The following TCF12 variants were observed in gnomAD, a reference collection of about 807,000 sequenced individuals.
TCF12 encodes DNA-binding protein HTF4.
In TCF12, 45 loss-of-function variants were observed where a neutral mutation model predicts 86.0. The ratio of observed to expected loss-of-function variants is 0.52; its 90% CI spans 0.41 to 0.67. The LOEUF (loss-of-function observed/expected upper bound fraction) is 0.67, where lower values mean the gene tolerates loss of function less well. Ranked by LOEUF, TCF12 falls within the 30% of genes least tolerant of loss-of-function variation. The pLI is 0.00. For synonymous variants in TCF12, 330 were observed against 299.6 expected, an observed-to-expected ratio of 1.10 and a Z score of -1.05; for missense variants, 881 against 859.9, an observed-to-expected ratio of 1.02 and a Z score of -0.31.
intron 2 of TCF12, among the ~76,000 whole-genome samples, 170 bp downstream of exon 2, chr15:56,920,158 C>G (rs1255555689): frequency 6.6e-6 from 1 of 152,072 alleles, no homozygotes; most frequent in Non-Finnish European, 1.5e-5. Flanking sequence ...CCAGCTCCCC[C>G]AAGTTGGACA....
chr15:57,054,543 A>G (rs573782754), intron 3 of TCF12, among the ~76,000 whole-genome samples: 24 of 152,190 alleles, frequency 1.6e-4, no homozygotes, highest in Non-Finnish European at 2.8e-4. Context: ...ATGAGCTCAC[A>G]GAGCAATGGG....
At chr15:57,000,869 G>C (rs556584873) in intron 3 of TCF12, among the ~76,000 whole-genome samples, 6 of 151,832 alleles carry the variant, frequency 4.0e-5, no homozygotes, top group African/African-American at 1.4e-4. Flanking sequence ...GTTTTTCACT[G>C]CTGAAATTCT....
rs1555404682 is a variant in TCF12 at position 57,237,148 on chromosome 15, A to AGAGTGTGT, written c.1035+3042_1035+3043insAGTGTGTG. On this transcript the variant is annotated intron_variant, in intron 12 of 20. Coordinates refer to ENST00000333725, the MANE Select transcript of TCF12 (RefSeq NM_207037.2). ...GAGCAAGGGAAAAAGAGAGAGAGAG[A>AGAGTGTGT]GTGTGTGTGTGTGTGTGTGTGTGTA... Among the ~76,000 whole-genome samples, 67 of 146,130 alleles carry AGAGTGTGT rather than the reference A, an allele frequency of 4.6e-4. No individual in the cohort carries two copies. The East Asian group carries it at 0.012, about 25-fold the overall frequency.
At chr15:57,039,578 TTAATTTTA>T (rs2066759025) in intron 3 of TCF12, among the ~76,000 whole-genome samples, 1 of 152,244 alleles carries the variant, frequency 6.6e-6, no homozygotes, top group South Asian at 2.1e-4. Context: ...AAAAAAATCC[TTAATTTTA>T]TCATAGCTTC....
chr15:57,129,460 A>G (rs548708842), intron 5 of TCF12, among the ~76,000 whole-genome samples: 9 of 152,110 alleles, frequency 5.9e-5, no homozygotes, highest in Non-Finnish European at 1.3e-4. Context: ...GCTGAGGTGG[A>G]AGGATCACCT....
intron 3 of TCF12, among the ~76,000 whole-genome samples, chr15:56,924,263 A>C: frequency 6.6e-6 from 1 of 152,204 alleles, no homozygotes; most frequent in East Asian, 1.9e-4. Flanking sequence ...ATAGTGATAC[A>C]GTCAAGATGC....
At chr15:56,987,954 C>G (rs1425523261) in intron 3 of TCF12, among the ~76,000 whole-genome samples, 1 of 152,098 alleles carries the variant, frequency 6.6e-6, no homozygotes, top group African/African-American at 2.4e-5. Context: ...CAGTGTAAAC[C>G]TATTTACCAA....
At chr15:56,968,464 T>C (rs973366432) in intron 3 of TCF12, among the ~76,000 whole-genome samples, 6 of 151,902 alleles carry the variant, frequency 3.9e-5, no homozygotes, top group Non-Finnish European at 8.8e-5. Flanking sequence ...CTTGAACTCC[T>C]GGACTCAAGC....
intron 19 of TCF12, among the ~76,000 whole-genome samples, chr15:57,274,899 T>G (rs2061310473): frequency 6.6e-6 from 1 of 152,140 alleles, no homozygotes; most frequent in Non-Finnish European, 1.5e-5. Context: ...GATACCTACT[T>G]CAGATCTAAG....
At chr15:57,146,659 C>G (rs893767047) in intron 5 of TCF12, among the ~76,000 whole-genome samples, 4 of 152,148 alleles carry the variant, frequency 2.6e-5, no homozygotes, top group African/African-American at 9.7e-5. Flanking sequence ...TCTTTCGTTT[C>G]CAAAATTCTG....
intron 6 of TCF12, among the ~76,000 whole-genome samples, chr15:57,171,154 G>A (rs1324192100): frequency 6.6e-6 from 1 of 151,624 alleles, no homozygotes; most frequent in Non-Finnish European, 1.5e-5. Context: ...GAAGAACAAG[G>A]CTACTAGAAT....
intron 5 of TCF12, among the ~76,000 whole-genome samples, chr15:57,136,264 C>T (rs1486249699): frequency 6.6e-6 from 1 of 152,188 alleles, no homozygotes; most frequent in Non-Finnish European, 1.5e-5. Flanking sequence ...AGGACATACA[C>T]AGAAGTCAGA....
intron 3 of TCF12, among the ~76,000 whole-genome samples, chr15:56,985,017 C>T (rs1014874301): frequency 2.0e-5 from 3 of 152,054 alleles, no homozygotes; most frequent in African/African-American, 7.2e-5. Flanking sequence ...AAAGTCAGGC[C>T]CTGAATCAGT....
intron 4 of TCF12, among the ~76,000 whole-genome samples, chr15:57,074,638 G>C (rs892299527): frequency 3.3e-5 from 5 of 152,174 alleles, no homozygotes; most frequent in African/African-American, 1.2e-4. Context: ...CTCCTGATTA[G>C]TTGGGATTAC....
intron 3 of TCF12, among the ~76,000 whole-genome samples, chr15:57,002,114 G>A (rs1202945116): frequency 6.6e-6 from 1 of 152,214 alleles, no homozygotes; most frequent in Non-Finnish European, 1.5e-5. Context: ...TGGAGCACAA[G>A]TGGTGACCTA....
chr15:57,248,143 C>T (rs2059946626), intron 13 of TCF12: 1 of 701,344 alleles, frequency 1.4e-6, no homozygotes, highest in South Asian at 1.5e-5. Flanking sequence ...GATCCTTTTC[C>T]AGAAGCCTCT....
chr15:57,071,598 C>T (rs117735085), intron 4 of TCF12, among the ~76,000 whole-genome samples: 2,135 of 152,232 alleles, frequency 0.014, 24 homozygotes, highest in Middle Eastern at 0.031. Context: ...TACACTCTAG[C>T]CTGGATGGCA....
intron 3 of TCF12, among the ~76,000 whole-genome samples, chr15:56,952,510 C>T (rs1361918897): frequency 2.0e-5 from 3 of 151,982 alleles, no homozygotes; most frequent in African/African-American, 7.2e-5. Context: ...GTTTTCTGAT[C>T]CATGTAGATG....
chr15:57,231,707 T>A (rs1273973500), intron 9 of TCF12, among the ~76,000 whole-genome samples: 2 of 152,228 alleles, frequency 1.3e-5, no homozygotes, highest in Non-Finnish European at 2.9e-5. Context: ...GCAAATCATT[T>A]TTATTTGGTC....
Sources: gnomAD v4.1 joint callset for allele counts (sites outside exome capture counted in the v4.1 genomes callset) on GRCh38, gnomAD v4.1.1 for gene constraint, MANE v1.5 for transcripts, NCBI Gene and HGNC (gene_info 2026-07-23, HGNC 2026-07-21) for gene names.